The following PRKCZ variants were observed in gnomAD, a reference collection of about 807,000 sequenced individuals.
PRKCZ encodes protein kinase C zeta.
PRKCZ carries 33 observed loss-of-function variants against 79.5 expected under a neutral mutation model. The observed-to-expected ratio is 0.41, with a 90% CI of 0.31 to 0.55. The LOEUF (loss-of-function observed/expected upper bound fraction) is 0.55, where lower values mean the gene tolerates loss of function less well. Among genes scored for constraint, PRKCZ ranks in the 20% least tolerant of loss-of-function variants. The pLI, the probability that PRKCZ is intolerant of heterozygous loss-of-function variation, is 0.19. For missense variants in PRKCZ, 578 were observed against 813.5 expected (o/e 0.71, Z 3.52); for synonymous variants, 342 against 320.9 (o/e 1.07, Z -0.70).
chr1:2,085,315 T>C (rs1389204965), intron 4 of PRKCZ, among the ~76,000 whole-genome samples: 10 of 152,236 alleles, frequency 6.6e-5, no homozygotes, highest in Admixed American at 4.6e-4. Context: ...GAGCAGGAGC[T>C]GGCCCCGAGC....
chr1:2,056,729 C>CTTTT (rs1213314980), intron 3 of PRKCZ, among the ~76,000 whole-genome samples, 156 bp downstream of exon 3: 2 of 136,792 alleles, frequency 1.5e-5, no homozygotes, highest in African/African-American at 2.7e-5. Context: ...TTTTCTTTGA[C>CTTTT]TTTTTTTTTT....
Position 2,110,021 on chromosome 1 carries a change from TCGGGGCCC to T in PRKCZ, c.335-25240_335-25233del, listed in dbSNP as rs1160909538. Among the ~76,000 whole-genome samples, 32 of 152,236 alleles carry T rather than the reference TCGGGGCCC, an allele frequency of 2.1e-4. 2 individuals are homozygous for T. Among genetic ancestry groups the T allele is most frequent in the Middle Eastern group, 3.4e-3 (1 of 294 alleles). On this transcript the variant is annotated intron_variant, in intron 4 of 17. Coordinates refer to ENST00000378567, the MANE Select transcript of PRKCZ (RefSeq NM_002744.6). ...GAGCCGGCCAGCATGGGCCATTTCA[TCGGGGCCC>T]TCCCTGGGGGCAGCCAAGGACCTAA...
intron 4 of PRKCZ, among the ~76,000 whole-genome samples, chr1:2,089,378 C>G (rs1665091166): frequency 6.6e-6 from 1 of 152,152 alleles, no homozygotes; most frequent in African/African-American, 2.4e-5. Context: ...AGGGCCGTCT[C>G]TGGTCCGTCG....
chr1:2,132,764 G>A (rs1675252483), intron 4 of PRKCZ, among the ~76,000 whole-genome samples: 1 of 152,218 alleles, frequency 6.6e-6, no homozygotes, highest in South Asian at 2.1e-4. Context: ...ATGTTTTGCC[G>A]CTTTGCTGTC....
intron 5 of PRKCZ, chr1:2,141,398 T>A (rs1411694039): frequency 6.7e-6 from 1 of 150,096 alleles, no homozygotes; most frequent in Non-Finnish European, 1.5e-5. Context: ...CAGGCTGGAG[T>A]GCAGTGGCGT....
chr1:2,077,481 CA>C (rs1662659619), intron 4 of PRKCZ, among the ~76,000 whole-genome samples: 1 of 152,188 alleles, frequency 6.6e-6, no homozygotes, highest in African/African-American at 2.4e-5. Flanking sequence ...GAGGCTGTGT[CA>C]AGTGTAGACA....
At chr1:2,086,208 C>G (rs867081188) in intron 4 of PRKCZ, among the ~76,000 whole-genome samples, 1 of 151,914 alleles carries the variant, frequency 6.6e-6, no homozygotes, top group African/African-American at 2.4e-5. Flanking sequence ...ACTACAGGCT[C>G]CTGCCACCAC....
chr1:2,057,134 C>A (rs1427451990), intron 3 of PRKCZ, among the ~76,000 whole-genome samples: 1 of 152,226 alleles, frequency 6.6e-6, no homozygotes, highest in Non-Finnish European at 1.5e-5. Flanking sequence ...CGCATGTGGA[C>A]AGAGGGGACA....
chr1:2,071,395 C>T (rs1325982161), intron 4 of PRKCZ: 6 of 430,556 alleles, frequency 1.4e-5, no homozygotes, highest in South Asian at 5.0e-5. Context: ...GCTGCGCGAC[C>T]GCCTGTGGAA....
chr1:2,144,583 A>C, intron 6 of PRKCZ: 1 of 1,370,616 alleles, frequency 7.3e-7, no homozygotes, highest in East Asian at 2.9e-5. Flanking sequence ...CAGCAGGCTC[A>C]GGTAGGACGT....
chr1:2,133,398 A>C (rs1448629568), intron 4 of PRKCZ, among the ~76,000 whole-genome samples: 29 of 74,526 alleles, frequency 3.9e-4, no homozygotes, highest in South Asian at 1.5e-3. Flanking sequence ...CCTCAGCTCC[A>C]CCCCCAGCTG....
At chr1:2,166,464 G>A (rs896942256) in intron 10 of PRKCZ, among the ~76,000 whole-genome samples, 28 of 152,178 alleles carry the variant, frequency 1.8e-4, no homozygotes, top group African/African-American at 6.0e-4. Flanking sequence ...CCCGCCTCCC[G>A]CCTCCCATCT....
chr1:2,146,006 A>T lies in PRKCZ; in HGVS notation c.553-21A>T, dbSNP rs771773536. On this transcript the variant is annotated intron_variant, in intron 6 of 17. Coordinates refer to ENST00000378567, the MANE Select transcript of PRKCZ (RefSeq NM_002744.6). Reference sequence around the variant, plus strand: ...TGCTCTAGCACTTGGTCATGCTGCCATCTCTGTGTCTCTCCGGCAGGATTC... The same window carrying T: ...TGCTCTAGCACTTGGTCATGCTGCCTTCTCTGTGTCTCTCCGGCAGGATTC... 4.4e-6 allele frequency: 7 copies of T among 1,595,320 alleles called. No individual in the cohort carries two copies. The East Asian group carries it at 1.3e-4, about 31-fold the overall frequency.
chr1:2,066,378 C>G (rs1167007306), intron 4 of PRKCZ, among the ~76,000 whole-genome samples: 2 of 152,198 alleles, frequency 1.3e-5, no homozygotes, highest in African/African-American at 4.8e-5. Flanking sequence ...CTCTGTCTGT[C>G]TCTCTGATGG....
chr1:2,169,132 C>T, intron 10 of PRKCZ: 1 of 458,110 alleles, frequency 2.2e-6, no homozygotes, highest in Non-Finnish European at 4.4e-6. Flanking sequence ...TGTCCCCATG[C>T]AAGAAACTGC....
intron 4 of PRKCZ, among the ~76,000 whole-genome samples, chr1:2,117,212 G>A (rs1010860287): frequency 7.9e-5 from 12 of 152,104 alleles, no homozygotes; most frequent in Non-Finnish European, 2.9e-5. Flanking sequence ...AGCCTCCTAA[G>A]GTGCTGGGAT....
rs376551017 is a variant in PRKCZ, at chr1:2,113,693, A to G, written c.335-21569A>G. On this transcript the variant is annotated intron_variant, in intron 4 of 17. Coordinates refer to ENST00000378567, the MANE Select transcript of PRKCZ (RefSeq NM_002744.6). ...GAAGTAGTGGTATCTCTGAGAGCCA[A>G]TGGCAGCCTAGCTGCCGTGGAGAAT... is the stretch of plus-strand genomic sequence containing the variant. Among the ~76,000 whole-genome samples the G allele has an allele frequency of 3.7e-4, 57 of 152,288 alleles. No individual in the cohort carries two copies. The South Asian group carries it at 0.011, about 28-fold the overall frequency.
intron 4 of PRKCZ, chr1:2,074,374 C>A: frequency 6.7e-7 from 1 of 1,486,060 alleles, no homozygotes; most frequent in Non-Finnish European, 9.1e-7. Context: ...GCCTGCCTGG[C>A]CCCAGGGAGT....
In PRKCZ at chr1:2,155,997, T is replaced by C. The variant is rs1177284633; in HGVS notation, c.879T>C (p.Asp293=). ...CCACTCCCTGGTTTCTATTTCAGGA[T>C]ATTGACTGGGTACAGACAGAGAAGC... ...VKKELVHDDE[D]IDWVQTEKHV... The change falls in exon 10 of 18, where the codon GAT becomes GAC. Residue 293 remains aspartate, a splice_region_variant and synonymous_variant. Transcript: ENST00000378567. The C allele has an allele frequency of 6.2e-7, 1 of 1,613,536 alleles. No individual in the cohort carries two copies. Among genetic ancestry groups the C allele is most frequent in the Non-Finnish European group, 8.5e-7 (1 of 1,179,626 alleles).
Sources: allele counts gnomAD v4.1 joint callset (sites outside exome capture counted in the v4.1 genomes callset), GRCh38; gene constraint gnomAD v4.1.1; transcripts MANE v1.5; gene names NCBI Gene and HGNC (gene_info 2026-07-23, HGNC 2026-07-21).